Variants in DHRS9 observed in about 807,000 individuals in gnomAD.
The protein encoded by DHRS9 is dehydrogenase/reductase 9, also known as dehydrogenase/reductase SDR family member 9.
A neutral mutation model predicts 26.6 loss-of-function variants in DHRS9; 18 were observed. The ratio of observed to expected loss-of-function variants is 0.68; its 90% CI spans 0.47 to 1.00. The LOEUF is 1.00. Ranked by LOEUF, DHRS9 falls within the 50% of genes least tolerant of loss-of-function variation. DHRS9 has a pLI of 0.00. For missense variants in DHRS9, 425 were observed against 378.7 expected, an observed-to-expected ratio of 1.12 and a Z score of -1.01; for synonymous variants, 134 against 141.1, an observed-to-expected ratio of 0.95 and a Z score of 0.36.
intron 3 of DHRS9, among the ~76,000 whole-genome samples, chr2:169,084,865 G>C (rs1049187310): frequency 3.3e-5 from 5 of 152,014 alleles, no homozygotes; most frequent in African/African-American, 9.7e-5. Context: ...TTTTGCTTTA[G>C]TTGCCTGTGT....
At chr2:169,075,416 G>C (rs181334974) in intron 1 of DHRS9, among the ~76,000 whole-genome samples, 31 of 152,138 alleles carry the variant, frequency 2.0e-4, no homozygotes, top group Admixed American at 1.8e-3. Context: ...AGAGTAAGTT[G>C]AAGACATGAT....
rs906623802 is a variant in DHRS9, at chr2:169,072,769, C to G, written c.-60+3052C>G. 9 of 468,442 alleles carry G rather than the reference C, an allele frequency of 1.9e-5. No homozygotes were observed. The East Asian group carries it at 4.7e-4, about 24-fold the overall frequency. 29.0% of individuals were successfully genotyped at this position (468,442 alleles called of 1,614,324 possible). On this transcript the variant is annotated intron_variant, in intron 1 of 4. Transcript: ENST00000674881. Reference sequence around the variant, plus strand: ...GGTAGAGAAAGTTTGATAAAGTGTTCTTGTGCCTGCTGTCGACTGATAATG... The same window carrying G: ...GGTAGAGAAAGTTTGATAAAGTGTTGTTGTGCCTGCTGTCGACTGATAATG...
intron 3 of DHRS9, among the ~76,000 whole-genome samples, chr2:169,089,112 A>G (rs886208549): frequency 6.6e-6 from 1 of 152,202 alleles, no homozygotes; most frequent in Non-Finnish European, 1.5e-5. Context: ...AAAGGCAGAG[A>G]GTATGCTTAA....
At chr2:169,087,500 C>G (rs1464360759) in intron 3 of DHRS9, among the ~76,000 whole-genome samples, 1 of 152,140 alleles carries the variant, frequency 6.6e-6, no homozygotes, top group Non-Finnish European at 1.5e-5. Flanking sequence ...AAGCTGGCAC[C>G]TAAGCTGCAA....
chr2:169,068,314 AGTTTGTTTGTTT>A (rs747113543), upstream of DHRS9, among the ~76,000 whole-genome samples: 3 of 152,170 alleles, frequency 2.0e-5, no homozygotes, highest in Non-Finnish European at 2.9e-5. Flanking sequence ...AGTAAATTTC[AGTTTGTTTGTTT>A]GTTTGTTTTT....
intron 4 of DHRS9, among the ~76,000 whole-genome samples, chr2:169,092,377 T>C (rs1411906677): frequency 6.6e-6 from 1 of 152,206 alleles, no homozygotes; most frequent in Non-Finnish European, 1.5e-5. Flanking sequence ...CATTAAGGAT[T>C]TATGGTGGTT....
Position 169,077,903 on chromosome 2 carries a change from A to G in DHRS9, c.-59-3620A>G, listed in dbSNP as rs192893875. On this transcript the variant is annotated intron_variant, in intron 1 of 4. Transcript: ENST00000674881. ...ATAACAGAGGAGGTTATGAGGGGAG[A>G]TGACTCTGTAGCCACAACTATTTCA... Among the ~76,000 whole-genome samples, 692 of 152,256 alleles carry G rather than the reference A, an allele frequency of 4.5e-3. 3 individuals are homozygous for G. Among genetic ancestry groups the G allele is most frequent in the Non-Finnish European group, 6.7e-3 (456 of 68,004 alleles).
At chr2:169,086,637 G>C (rs6753368) in intron 3 of DHRS9, among the ~76,000 whole-genome samples, 2 of 152,034 alleles carry the variant, frequency 1.3e-5, no homozygotes, top group Non-Finnish European at 2.9e-5. Flanking sequence ...TTCTGGGGAA[G>C]TCTTTCCAGG....
chr2:169,088,373 G>C (rs1264870266), intron 3 of DHRS9, among the ~76,000 whole-genome samples: 3 of 152,236 alleles, frequency 2.0e-5, no homozygotes, highest in Admixed American at 2.0e-4. Flanking sequence ...GGTCTATGGA[G>C]GAGGAGTAGC....
chr2:169,067,415 AGGGGTG>A (rs566782828), upstream of DHRS9: 123 of 1,219,724 alleles, frequency 1.0e-4, no homozygotes, highest in African/African-American at 1.7e-3. Flanking sequence ...GTATTTGGAA[AGGGGTG>A]GAGAAGATAC....
At chr2:169,093,916 T>C (rs999970052) in intron 4 of DHRS9, among the ~76,000 whole-genome samples, 4 of 152,208 alleles carry the variant, frequency 2.6e-5, no homozygotes, top group African/African-American at 7.2e-5. Flanking sequence ...TCTAACATCA[T>C]AGACTTTCCC....
At chr2:169,090,755 A>G (rs1684495024) in intron 3 of DHRS9, among the ~76,000 whole-genome samples, 1 of 152,334 alleles carries the variant, frequency 6.6e-6, no homozygotes. Flanking sequence ...AATGTTAAAC[A>G]TGACTTTTCA....
chr2:169,071,352 A>T (rs1257496692), intron 1 of DHRS9, among the ~76,000 whole-genome samples: 1 of 152,170 alleles, frequency 6.6e-6, no homozygotes, highest in African/African-American at 2.4e-5. Context: ...TAATAAACCT[A>T]GGAGGGACTT....
At chr2:169,067,779 C>G (rs1683687460), upstream of DHRS9, among the ~76,000 whole-genome samples, 1 of 152,084 alleles carries the variant, frequency 6.6e-6, no homozygotes, top group African/African-American at 2.4e-5. Flanking sequence ...TGGTTACAGT[C>G]TGGATAAGAC....
intron 1 of DHRS9, among the ~76,000 whole-genome samples, chr2:169,077,234 T>C (rs1281833634): frequency 3.9e-5 from 6 of 152,228 alleles, no homozygotes; most frequent in African/African-American, 9.6e-5. Flanking sequence ...GAATTGTGCA[T>C]AGTTTTTGGA....
At chr2:169,072,009 T>A (rs76172885) in intron 1 of DHRS9, among the ~76,000 whole-genome samples, 2 of 113,780 alleles carry the variant, frequency 1.8e-5, no homozygotes, top group African/African-American at 1.1e-4. Context: ...GCCACCTGGG[T>A]TTTTTTTTTT....
intron 1 of DHRS9, chr2:169,074,522 A>ACACTACGC: frequency 1.1e-6 from 1 of 878,890 alleles, no homozygotes; most frequent in Non-Finnish European, 1.4e-6. Context: ...AGAGGTAACC[A>ACACTACGC]CAGCTGGCGT....
chr2:169,067,104 C>T (rs574783795), upstream of DHRS9: 4 of 1,533,148 alleles, frequency 2.6e-6, no homozygotes, highest in South Asian at 4.8e-5. Context: ...TTCAGAGAAA[C>T]ATGTTCCACT....
intron 3 of DHRS9, among the ~76,000 whole-genome samples, chr2:169,089,944 T>A (rs1684468629): frequency 2.0e-5 from 3 of 152,316 alleles, no homozygotes; most frequent in East Asian, 1.9e-4. Context: ...GACCTTTGTT[T>A]CCACTCTACA....
Sources: gnomAD v4.1 joint callset for allele counts (sites outside exome capture counted in the v4.1 genomes callset) on GRCh38, gnomAD v4.1.1 for gene constraint, MANE v1.5 for transcripts, NCBI Gene and HGNC (gene_info 2026-07-23, HGNC 2026-07-21) for gene names.